CPAMD8: variants seen among roughly 807,000 people sequenced by gnomAD.
CPAMD8 encodes C3 and PZP-like alpha-2-macroglobulin domain-containing protein 8.
CPAMD8 carries 146 observed loss-of-function variants against 224.7 expected under a neutral mutation model. That is an observed-to-expected ratio of 0.65 (90% confidence interval 0.57 to 0.75). CPAMD8 has a LOEUF of 0.75. Ranked by LOEUF, CPAMD8 falls within the 30% of genes least tolerant of loss-of-function variation. The pLI, the probability that CPAMD8 is intolerant of heterozygous loss-of-function variation, is 0.00. For synonymous variants in CPAMD8, 966 were observed against 1,044.6 expected, an observed-to-expected ratio of 0.92 and a Z score of 1.45; for missense variants, 2,301 against 2,537.5, an observed-to-expected ratio of 0.91 and a Z score of 2.00.
At chr19:17,014,977 C>T (rs540969388) in intron 3 of CPAMD8, among the ~76,000 whole-genome samples, 2 of 152,376 alleles carry the variant, frequency 1.3e-5, no homozygotes, top group South Asian at 4.1e-4. Context: ...CACAGTGGCT[C>T]ACGCCTGTCA....
rs560255146 is a variant in CPAMD8 at position 16,909,028 on chromosome 19, G to A, written c.3862-1911C>T. ...CCGTTTACAGACAAGCGGATGCAAC[G>A]GAACTCCAAGGGGTCAAGGTCATTT... On this transcript the variant is annotated intron_variant, in intron 29 of 41. Transcript: ENST00000443236. 7.2e-5 allele frequency among the ~76,000 whole-genome samples: 11 copies of A among 152,272 alleles called. No homozygotes were observed. The South Asian group carries it at 1.4e-3, about 20-fold the overall frequency.
rs941750724 is a variant in CPAMD8 at position 16,989,585 on chromosome 19, C to T, written c.1395+58G>A. ...TACAGGCATGAGCCACAGCACCTGG[C>T]TCATGCTGCTTTTTGGATCCCGCAT... On this transcript the variant is annotated intron_variant, in intron 13 of 41. Transcript: ENST00000443236. 7 of 1,582,888 alleles carry T rather than the reference C, an allele frequency of 4.4e-6. No individual in the cohort carries two copies. In the Admixed American group the frequency reaches 9.0e-5, roughly 20 times the overall value.
chr19:16,974,559 AG>A (rs1306904985), intron 17 of CPAMD8, among the ~76,000 whole-genome samples: 1 of 151,986 alleles, frequency 6.6e-6, no homozygotes, highest in Non-Finnish European at 1.5e-5. Context: ...TCCCATCACA[AG>A]TTCAAGTTAC....
At chr19:17,008,194 A>G (rs2056545765) in intron 7 of CPAMD8, among the ~76,000 whole-genome samples, 1 of 152,206 alleles carries the variant, frequency 6.6e-6, no homozygotes, top group Non-Finnish European at 1.5e-5. Flanking sequence ...AGGTGAGAGC[A>G]GGTGCCCCAG....
chr19:16,979,172 A>G (rs1202894243), intron 14 of CPAMD8, among the ~76,000 whole-genome samples: 1 of 146,958 alleles, frequency 6.8e-6, no homozygotes, highest in African/African-American at 2.5e-5. Context: ...CCCACTATCC[A>G]TCCATCCATT....
At chr19:17,025,525 T>C (rs2057057690) in intron 1 of CPAMD8, among the ~76,000 whole-genome samples, 1 of 152,204 alleles carries the variant, frequency 6.6e-6, no homozygotes, top group South Asian at 2.1e-4. Flanking sequence ...GCGTCATTCC[T>C]TGCAGTGGAA....
At chr19:16,975,413 T>C (rs2055227685) in intron 16 of CPAMD8, among the ~76,000 whole-genome samples, 155 bp from the exon 17 acceptor site, 1 of 152,132 alleles carries the variant, frequency 6.6e-6, no homozygotes, top group Admixed American at 6.6e-5. Flanking sequence ...CATTTTAAGA[T>C]GGGCAAACAG....
intron 20 of CPAMD8, among the ~76,000 whole-genome samples, chr19:16,948,802 A>AGGGGAAGG (rs2054190214): frequency 8.9e-6 from 1 of 112,630 alleles, no homozygotes; most frequent in Non-Finnish European, 1.8e-5. Flanking sequence ...GGAGGGGAAG[A>AGGGGAAGG]GAGGGGAAGA....
At chr19:16,980,398 C>A in intron 14 of CPAMD8, 99 bp downstream of exon 14, 1 of 1,148,184 alleles carries the variant, frequency 8.7e-7, no homozygotes, top group East Asian at 2.4e-5. Flanking sequence ...GCTCCCCTCT[C>A]TGCTGGGTCT....
chr19:17,002,838 A>G (rs1213609350), intron 8 of CPAMD8, among the ~76,000 whole-genome samples: 4 of 152,084 alleles, frequency 2.6e-5, no homozygotes, highest in Admixed American at 6.5e-5. Flanking sequence ...AACCAGAAAG[A>G]ATCGGGTCCT....
chr19:16,908,513 G>A (rs904110288), intron 29 of CPAMD8, among the ~76,000 whole-genome samples: 4 of 152,182 alleles, frequency 2.6e-5, no homozygotes, highest in Admixed American at 1.3e-4. Context: ...GGAAGACAGG[G>A]ACCAAGTCCA....
At position 16,893,327 on chromosome 19, in the gene CPAMD8, C is replaced by T. The variant is rs1466316700; in HGVS notation, c.5439G>A (p.Gly1813=). Residue 1813 remains glycine (G), a synonymous_variant, in exon 42 of 42, where the codon GGG becomes GGA. Transcript: ENST00000443236. ...EGEAEDRVTA[G]PRPPVSSGNL... ...TCCCGCTGCTCACAGGAGGCCGAGG[C>T]CCGGCTGTGACCCTGGAGATGAGGT... 6.5e-7 allele frequency: 1 copy of T among 1,534,100 alleles called. No homozygotes were observed.
Position 16,975,220 on chromosome 19 carries a change from G to A in CPAMD8, c.1947C>T (p.Ser649=), listed in dbSNP as rs750859704. 1.9e-6 allele frequency: 3 copies of A among 1,609,652 alleles called. No homozygotes were observed. The highest frequency in any genetic ancestry group is 2.2e-5 in the South Asian group (2 of 90,244). ...GACCATCCTCCCTGGACACGCCAAA[G>A]GAATCAGAAACATCATAATCTTCCA... The part of the protein sequence containing the change: ...QELEDYDVSD[S]FGVSREDGPF... Residue 649 remains serine (S), a synonymous_variant, in exon 17 of 42, where the codon TCC becomes TCT. Coordinates refer to ENST00000443236, the MANE Select transcript of CPAMD8 (RefSeq NM_015692.5).
In CPAMD8 at chr19:16,899,595, T is replaced by C. The variant is rs1313727874; in HGVS notation, c.4774-46A>G. On this transcript the variant is annotated intron_variant, in intron 36 of 41. Transcript: ENST00000443236. The surrounding 1 kb of genome is among the most constrained non-coding windows in gnomAD (Gnocchi z 5.4). The stretch of plus-strand genomic sequence containing the variant: ...CAGGGTCCTCAGACTCTCTACTTGC[T>C]TCCTCTCCCATCCCCTGGGGGCAGT... 5.5e-6 allele frequency: 5 copies of C among 905,568 alleles called. No individual in the cohort carries two copies. The South Asian group carries it at 6.5e-5, about 12-fold the overall frequency. The allele number at this position is 905,568 out of a possible 1,614,324, so 56.1% of individuals were successfully genotyped here.
At chr19:17,000,565 T>C in intron 9 of CPAMD8, 43 bp from the exon 10 acceptor site, 1 of 901,128 alleles carries the variant, frequency 1.1e-6, no homozygotes, top group Non-Finnish European at 1.9e-6. Context: ...ACAGCCAAGA[T>C]GGCAGGGAGG....
intron 5 of CPAMD8, among the ~76,000 whole-genome samples, chr19:17,010,441 T>C (rs1487093559): frequency 6.6e-6 from 1 of 152,120 alleles, no homozygotes; most frequent in African/African-American, 2.4e-5. Flanking sequence ...AGTTTCGCTA[T>C]GTTGCCCAGA....
At chr19:16,981,282 G>C (rs866390990) in intron 13 of CPAMD8, among the ~76,000 whole-genome samples, 35 of 152,168 alleles carry the variant, frequency 2.3e-4, no homozygotes, top group South Asian at 1.2e-3. Flanking sequence ...GGTCACTTGA[G>C]CCTAGGAAGT....
At chr19:16,940,042 A>AG (rs2053835161) in intron 22 of CPAMD8, among the ~76,000 whole-genome samples, 4 of 151,804 alleles carry the variant, frequency 2.6e-5, no homozygotes, top group Admixed American at 2.0e-4. Flanking sequence ...CCTCCTGAGT[A>AG]GCAGGGATTA....
intron 40 of CPAMD8, 30 bp downstream of exon 40, chr19:16,896,426 C>G: frequency 6.8e-7 from 1 of 1,474,646 alleles, no homozygotes. Context: ...GATGGTGTCC[C>G]CGAGGCTAGG....
Sources: allele counts gnomAD v4.1 joint callset (sites outside exome capture counted in the v4.1 genomes callset), GRCh38; gene constraint gnomAD v4.1.1; non-coding constraint Gnocchi (gnomAD v3.1); transcripts MANE v1.5; gene names NCBI Gene and HGNC (gene_info 2026-07-23, HGNC 2026-07-21).